Variants in DIP2C observed in about 807,000 individuals in gnomAD.
DIP2C encodes the protein disco-interacting protein 2 homolog C.
Under a neutral mutation model 192.4 loss-of-function variants are expected in DIP2C, and 33 were observed. That is an observed-to-expected ratio of 0.17 (90% CI 0.13 to 0.23). The LOEUF (loss-of-function observed/expected upper bound fraction) is 0.23, where lower values mean the gene tolerates loss of function less well. Among genes scored for constraint, DIP2C ranks in the 10% least tolerant of loss-of-function variants. DIP2C has a pLI of 1.00. For synonymous variants in DIP2C, 979 were observed against 864.1 expected (o/e 1.13, Z -2.33); for missense variants, 1,537 against 2,110.1 (o/e 0.73, Z 5.32).
chr10:505,724 C>T (rs535520143), intron 1 of DIP2C, among the ~76,000 whole-genome samples: 64 of 147,730 alleles, frequency 4.3e-4, no homozygotes, highest in Non-Finnish European at 8.6e-4. Context: ...ACCTGCCCAG[C>T]TATATTTCCT....
At chr10:381,145 G>C (rs551141073) in intron 17 of DIP2C, among the ~76,000 whole-genome samples, 151 of 152,178 alleles carry the variant, frequency 9.9e-4, no homozygotes, top group African/African-American at 3.5e-3. Context: ...TCACCACTGA[G>C]ATAGAGTTGC....
At chr10:438,484 C>T (rs886456891) in intron 4 of DIP2C, among the ~76,000 whole-genome samples, 3 of 147,674 alleles carry the variant, frequency 2.0e-5, no homozygotes, top group Non-Finnish European at 2.9e-5. Context: ...ACTAAACAAA[C>T]AGGATTAAGC....
chr10:432,765 T>C (rs1415498842), intron 4 of DIP2C, among the ~76,000 whole-genome samples: 1 of 152,202 alleles, frequency 6.6e-6, no homozygotes, highest in African/African-American at 2.4e-5. Context: ...AGATCTTTTT[T>C]AACATATGCA....
intron 1 of DIP2C, among the ~76,000 whole-genome samples, chr10:542,620 A>G (rs917979406): frequency 3.3e-5 from 5 of 152,214 alleles, no homozygotes; most frequent in African/African-American, 1.2e-4. Flanking sequence ...GAGGGTTCTA[A>G]CCCTGCCCCT....
At chr10:644,408 T>C (rs558210178) in intron 1 of DIP2C, among the ~76,000 whole-genome samples, 2 of 152,362 alleles carry the variant, frequency 1.3e-5, no homozygotes, top group East Asian at 1.9e-4. Flanking sequence ...CTCTGGATAA[T>C]AGTTGAGACG....
At chr10:608,136 C>A (rs1852653749) in intron 1 of DIP2C, among the ~76,000 whole-genome samples, 1 of 111,828 alleles carries the variant, frequency 8.9e-6, no homozygotes, top group Admixed American at 8.4e-5. Context: ...CCCCAACACA[C>A]ACACAGCCCC....
intron 34 of DIP2C, among the ~76,000 whole-genome samples, chr10:285,587 G>A (rs1955069271): frequency 6.6e-6 from 1 of 152,236 alleles, no homozygotes; most frequent in African/African-American, 2.4e-5. Flanking sequence ...GTGCCAGAGA[G>A]AATGCGGCGG....
intron 2 of DIP2C, among the ~76,000 whole-genome samples, chr10:481,818 G>T (rs988075828): frequency 3.3e-5 from 5 of 152,280 alleles, no homozygotes; most frequent in Admixed American, 3.3e-4. Flanking sequence ...GGGGCGGGGG[G>T]AAGTGAGGGC....
chr10:414,868 G>GTT (rs1965506092), intron 7 of DIP2C, among the ~76,000 whole-genome samples: 2 of 53,588 alleles, frequency 3.7e-5, no homozygotes, highest in African/African-American at 5.8e-5. Flanking sequence ...GTGTGTGTGT[G>GTT]TGTGTGTGTG....
chr10:509,835 G>A (rs1845890953), intron 1 of DIP2C, among the ~76,000 whole-genome samples: 1 of 152,060 alleles, frequency 6.6e-6, no homozygotes, highest in Non-Finnish European at 1.5e-5. Flanking sequence ...AGAGGACAGG[G>A]CCGCCGCAGT....
At chr10:439,794 T>C (rs1334457305) in intron 4 of DIP2C, among the ~76,000 whole-genome samples, 2 of 152,174 alleles carry the variant, frequency 1.3e-5, no homozygotes, top group African/African-American at 4.8e-5. Flanking sequence ...TCCTTCTGTC[T>C]CACTGCTTGC....
chr10:286,237 A>C, intron 34 of DIP2C, 36 bp downstream of exon 34: 1 of 1,607,930 alleles, frequency 6.2e-7, no homozygotes, highest in Non-Finnish European at 8.5e-7. Context: ...TACATAACAG[A>C]AAAGTAACCT....
rs79730817 is a variant in DIP2C, at chr10:616,760, T to G, written c.85+72734A>C. ...TCAAAGTACCCAGGCCAGGCAAGCA[T>G]AGAGAGTCTAATGGGGTGCCTAGGA... On this transcript the variant is annotated intron_variant, in intron 1 of 36. Transcript: ENST00000280886. 3.0e-4 allele frequency among the ~76,000 whole-genome samples: 45 copies of G among 152,274 alleles called. No individual in the cohort carries two copies. In the East Asian group the frequency reaches 7.3e-3, roughly 25 times the overall value.
intron 1 of DIP2C, among the ~76,000 whole-genome samples, chr10:541,560 C>CA (rs1847988865): frequency 1.3e-5 from 2 of 149,952 alleles, no homozygotes; most frequent in South Asian, 2.1e-4. Flanking sequence ...TGACCCTCCA[C>CA]CTGAACACCC....
rs1017041769 is a variant in DIP2C, at chr10:276,884, A to G, written c.*441T>C. 1 of 161,096 alleles carries G rather than the reference A, an allele frequency of 6.2e-6. No homozygotes were observed. Among genetic ancestry groups the G allele is most frequent in the Admixed American group, 5.9e-5 (1 of 17,056 alleles). 10.0% of individuals were successfully genotyped at this position (161,096 alleles called of 1,614,324 possible). On this transcript the variant is annotated 3_prime_UTR_variant, in exon 37 of 37. Transcript: ENST00000280886. Reference sequence around the variant, plus strand: ...AAATTAGTAACAGATCCATGTCATTAAGATTTCATGACACATTAAAACAGA... The same window carrying G: ...AAATTAGTAACAGATCCATGTCATTGAGATTTCATGACACATTAAAACAGA...
At chr10:657,792 C>T (rs1302327048) in intron 1 of DIP2C, among the ~76,000 whole-genome samples, 1 of 142,670 alleles carries the variant, frequency 7.0e-6, no homozygotes, top group Non-Finnish European at 1.5e-5. Context: ...TGGACCTCTC[C>T]CTGGACCTGA....
intron 3 of DIP2C, among the ~76,000 whole-genome samples, chr10:452,869 C>G (rs1371046419): frequency 1.3e-5 from 2 of 152,192 alleles, no homozygotes; most frequent in Non-Finnish European, 2.9e-5. Context: ...GGGCACGGGG[C>G]AGGATGGACC....
intron 3 of DIP2C, among the ~76,000 whole-genome samples, chr10:461,757 T>G (rs1446556757): frequency 1.3e-5 from 2 of 152,178 alleles, no homozygotes; most frequent in Non-Finnish European, 2.9e-5. Flanking sequence ...ATTGCACCTA[T>G]TCTAAAACTG....
intron 1 of DIP2C, among the ~76,000 whole-genome samples, chr10:615,049 G>A (rs996447212): frequency 6.6e-6 from 1 of 152,180 alleles, no homozygotes; most frequent in Non-Finnish European, 1.5e-5. Context: ...CCAGCTGCTC[G>A]TCCCATGTGA....
Sources: gnomAD v4.1 joint callset for allele counts (sites outside exome capture counted in the v4.1 genomes callset) on GRCh38, gnomAD v4.1.1 for gene constraint, MANE v1.5 for transcripts, NCBI Gene and HGNC (gene_info 2026-07-23, HGNC 2026-07-21) for gene names.